FLRT1: variants seen among roughly 807,000 people sequenced by gnomAD.
The protein encoded by FLRT1 is fibronectin leucine rich transmembrane protein 1, also known as leucine-rich repeat transmembrane protein FLRT1.
In FLRT1, 14 loss-of-function variants were observed where a neutral mutation model predicts 30.9. The observed-to-expected ratio is 0.45, with a 90% confidence interval of 0.30 to 0.71. The LOEUF (loss-of-function observed/expected upper bound fraction) is 0.71, where lower values mean the gene tolerates loss of function less well. FLRT1 is among the 30% of genes least tolerant of loss of function. FLRT1 has a pLI of 0.08. For missense variants in FLRT1, 737 were observed against 949.2 expected, an observed-to-expected ratio of 0.78 and a Z score of 2.94; for synonymous variants, 368 against 430.4, an observed-to-expected ratio of 0.85 and a Z score of 1.80.
intron 1 of FLRT1, among the ~76,000 whole-genome samples, chr11:64,089,260 A>G (rs891131430): frequency 6.6e-6 from 1 of 152,166 alleles, no homozygotes; most frequent in Non-Finnish European, 1.5e-5. Context: ...GTGGGGGAGC[A>G]GGGCTTGGTG....
At position 64,090,163 on chromosome 11, in the gene FLRT1, C is replaced by T. The variant is rs1371054506; in HGVS notation, c.-1037-13031C>T. 6.6e-6 allele frequency among the ~76,000 whole-genome samples: 1 copy of T among 152,170 alleles called. No homozygotes were observed. Among genetic ancestry groups the T allele is most frequent in the African/African-American group, 2.4e-5 (1 of 41,434 alleles). ...CTAGGGACTCATCTCTGCCTGTCTT[C>T]CCAGGCCCCAGGTTTCAGGCCCCGA... On this transcript the variant is annotated intron_variant, in intron 1 of 2. Coordinates refer to ENST00000682287, the MANE Select transcript of FLRT1 (RefSeq NM_013280.5). This position sits in a 1 kb window ranked among gnomAD's most constrained non-coding sequence, Gnocchi z 4.7.
intron 1 of FLRT1, among the ~76,000 whole-genome samples, chr11:64,050,551 C>T (rs1229497575): frequency 2.0e-5 from 3 of 152,224 alleles, no homozygotes; most frequent in Non-Finnish European, 4.4e-5. Context: ...CTGGTGAGGA[C>T]AGCCCTCCCT....
chr11:64,111,641 C>T (rs55957235), intron 2 of FLRT1, among the ~76,000 whole-genome samples: 1 of 152,140 alleles, frequency 6.6e-6, no homozygotes, highest in Non-Finnish European at 1.5e-5. Flanking sequence ...AACCTCTGCA[C>T]CCTTGCCTGT....
chr11:64,116,253 C>A lies in FLRT1; in HGVS notation c.-15C>A, dbSNP rs756526248. On this transcript the variant is annotated 5_prime_UTR_variant, in exon 3 of 3. Coordinates refer to ENST00000682287, the MANE Select transcript of FLRT1 (RefSeq NM_013280.5). ...CTCCAGGCCAGGTGGGGCCGGACGC[C>A]CCCAGCCATCCACCATGGTGGTGGC... 2.3e-5 allele frequency: 36 copies of A among 1,589,284 alleles called. No homozygotes were observed. Among genetic ancestry groups the A allele is most frequent in the Non-Finnish European group, 2.9e-5 (34 of 1,171,854 alleles).
chr11:64,115,704 C>T (rs975337934), intron 2 of FLRT1, among the ~76,000 whole-genome samples: 2 of 152,216 alleles, frequency 1.3e-5, no homozygotes, highest in African/African-American at 2.4e-5. Context: ...CAGCAACAAG[C>T]TTTCCTTTCG....
rs530160406 is a variant in FLRT1, at chr11:64,085,446, C to G, written c.-1037-17748C>G. Among the ~76,000 whole-genome samples, 534 of 152,356 alleles carry G rather than the reference C, an allele frequency of 3.5e-3. 4 individuals are homozygous for G. The highest frequency in any genetic ancestry group is 0.011 in the African/African-American group (438 of 41,580). On this transcript the variant is annotated intron_variant, in intron 1 of 2. Coordinates refer to ENST00000682287, the MANE Select transcript of FLRT1 (RefSeq NM_013280.5). Reference sequence around the variant, plus strand: ...AGACTGGCAGGGAGGCCAGGCCCAACCACGGGGCTGCCGGGACCAGGCCAT... The same window carrying G: ...AGACTGGCAGGGAGGCCAGGCCCAAGCACGGGGCTGCCGGGACCAGGCCAT...
intron 1 of FLRT1, chr11:64,081,579 G>C (rs1363929167): frequency 6.6e-6 from 1 of 152,482 alleles, no homozygotes. Flanking sequence ...TATCAGAGCG[G>C]CTGAAGGCAC....
At chr11:64,101,727 C>T (rs1383087333) in intron 1 of FLRT1, among the ~76,000 whole-genome samples, 1 of 152,220 alleles carries the variant, frequency 6.6e-6, no homozygotes, top group African/African-American at 2.4e-5. Flanking sequence ...CTGTCCTCAT[C>T]TTCCCTCCTG....
At position 64,117,290 on chromosome 11, in the gene FLRT1, C is replaced by G; in HGVS notation, c.1023C>G (p.Asp341Glu). Residue 341 changes from aspartate (D) to glutamate (E), a missense_variant, in exon 3 of 3, where the codon GAC becomes GAG. By Grantham distance (45) the Asp-to-Glu change is conservative. Coordinates refer to ENST00000682287, the MANE Select transcript of FLRT1 (RefSeq NM_013280.5). ...FCGCNLMWLRDWVKARAAVVN... is the reference protein window; with the variant it reads ...FCGCNLMWLREWVKARAAVVN... ...GCTGCAACCTCATGTGGCTGCGGGACTGGGTGAAGGCACGGGCGGCCGTGG... is the reference window on the plus strand; with the variant it reads ...GCTGCAACCTCATGTGGCTGCGGGAGTGGGTGAAGGCACGGGCGGCCGTGG... The G allele has an allele frequency of 6.2e-7, 1 of 1,614,168 alleles. No individual in the cohort carries two copies. Among genetic ancestry groups the G allele is most frequent in the Non-Finnish European group, 8.5e-7 (1 of 1,180,018 alleles).
intron 1 of FLRT1, among the ~76,000 whole-genome samples, chr11:64,057,868 C>T (rs566365897): frequency 2.6e-5 from 4 of 152,332 alleles, no homozygotes; most frequent in East Asian, 1.9e-4. Flanking sequence ...AACCGAGGCA[C>T]GAATTCGTGA....
chr11:64,070,647 G>A (rs533298173), intron 1 of FLRT1, among the ~76,000 whole-genome samples: 1 of 152,274 alleles, frequency 6.6e-6, no homozygotes, highest in African/African-American at 2.4e-5. Flanking sequence ...ACTCGGGCTG[G>A]GGCCTCAGGG....
intron 1 of FLRT1, among the ~76,000 whole-genome samples, chr11:64,041,820 G>A (rs1943492714): frequency 6.6e-6 from 1 of 152,176 alleles, no homozygotes; most frequent in South Asian, 2.1e-4. Flanking sequence ...GGGGGTGGGT[G>A]TCTGGCCCTA....
chr11:64,106,070 C>A (rs1378748108), intron 2 of FLRT1, among the ~76,000 whole-genome samples: 1 of 152,122 alleles, frequency 6.6e-6, no homozygotes, highest in African/African-American at 2.4e-5. Flanking sequence ...GGCCAGCATC[C>A]ATATCAGTGG....
intron 1 of FLRT1, among the ~76,000 whole-genome samples, chr11:64,065,866 C>A (rs1490312314): frequency 4.0e-5 from 6 of 151,606 alleles, no homozygotes; most frequent in Non-Finnish European, 7.4e-5. Flanking sequence ...TGGGAGATCG[C>A]AACAACCATT....
intron 1 of FLRT1, among the ~76,000 whole-genome samples, chr11:64,095,758 C>T (rs1420609817): frequency 6.6e-6 from 1 of 152,218 alleles, no homozygotes; most frequent in Non-Finnish European, 1.5e-5. Context: ...ACCCCCAGCA[C>T]TAGCACGGAG....
intron 1 of FLRT1, among the ~76,000 whole-genome samples, chr11:64,078,502 C>T (rs1306027668): frequency 3.9e-5 from 6 of 152,222 alleles, no homozygotes; most frequent in Admixed American, 2.0e-4. Context: ...ACCCCGGCCT[C>T]CCCTTGCAGC....
chr11:64,116,939 G>A lies in FLRT1; in HGVS notation c.672G>A (p.Leu224=), dbSNP rs1944994928. Residue 224 remains leucine, a synonymous_variant, in exon 3 of 3, where the codon CTG becomes CTA. Coordinates refer to ENST00000682287, the MANE Select transcript of FLRT1 (RefSeq NM_013280.5). ...PLHAFKGLNS[L]RRLVLDGNLL... is the part of the protein sequence containing the mutation. Reference sequence around the variant, plus strand: ...ATGCCTTCAAGGGCCTCAACAGCCTGCGGCGCCTGGTGCTGGACGGTAACC... The same window carrying A: ...ATGCCTTCAAGGGCCTCAACAGCCTACGGCGCCTGGTGCTGGACGGTAACC... 1 of 1,611,416 alleles carries A rather than the reference G, an allele frequency of 6.2e-7. No homozygotes were observed. The highest frequency in any genetic ancestry group is 8.5e-7 in the Non-Finnish European group (1 of 1,180,006).
At chr11:64,041,765 C>G (rs928817968) in intron 1 of FLRT1, among the ~76,000 whole-genome samples, 3 of 152,164 alleles carry the variant, frequency 2.0e-5, no homozygotes, top group Admixed American at 6.5e-5. Flanking sequence ...TCTCTCTGGT[C>G]AGACCAGAGG....
chr11:64,088,745 G>A (rs551618158), intron 1 of FLRT1, among the ~76,000 whole-genome samples: 1 of 152,254 alleles, frequency 6.6e-6, no homozygotes, highest in African/African-American at 2.4e-5. Flanking sequence ...AGGTCACTAA[G>A]AGCACGAGAT....
Sources: allele counts gnomAD v4.1 joint callset (sites outside exome capture counted in the v4.1 genomes callset), GRCh38; gene constraint gnomAD v4.1.1; non-coding constraint Gnocchi (gnomAD v3.1); transcripts MANE v1.5; gene names NCBI Gene and HGNC (gene_info 2026-07-23, HGNC 2026-07-21).